PFKFB3: variants seen among roughly 807,000 people sequenced by gnomAD.
The protein encoded by PFKFB3 is 6-phosphofructo-2-kinase/fructose-2,6-biphosphatase 3, also known as 6-phosphofructo-2-kinase/fructose-2,6-bisphosphatase 3.
Under a neutral mutation model 68.0 loss-of-function variants are expected in PFKFB3, and 33 were observed. The ratio of observed to expected loss-of-function variants is 0.49; its 90% CI spans 0.37 to 0.65. The LOEUF (loss-of-function observed/expected upper bound fraction) is 0.65. Ranked by LOEUF, PFKFB3 falls within the 30% of genes least tolerant of loss-of-function variation. PFKFB3 has a pLI of 0.00. For synonymous variants in PFKFB3, 315 were observed against 288.2 expected, an observed-to-expected ratio of 1.09 and a Z score of -0.94; for missense variants, 586 against 712.2, an observed-to-expected ratio of 0.82 and a Z score of 2.02.
At chr10:6,205,030 C>A (rs1843592325) in intron 1 of PFKFB3, among the ~76,000 whole-genome samples, 1 of 152,240 alleles carries the variant, frequency 6.6e-6, no homozygotes, top group Admixed American at 6.5e-5. Context: ...CCCCATCAAC[C>A]TGCACGTCTC....
At chr10:6,240,050 C>A (rs1356782553), downstream of PFKFB3, among the ~76,000 whole-genome samples, 1 of 152,156 alleles carries the variant, frequency 6.6e-6, no homozygotes, top group East Asian at 1.9e-4. Flanking sequence ...TCCACATTCA[C>A]CCTTTTCTAA....
downstream of PFKFB3, among the ~76,000 whole-genome samples, chr10:6,258,275 G>A (rs956022100): frequency 6.6e-6 from 1 of 152,198 alleles, no homozygotes; most frequent in Non-Finnish European, 1.5e-5. Flanking sequence ...GTTACTATAA[G>A]AGAGTTTCAG....
At chr10:6,286,630 G>A in the PFKFB3 span, among the ~76,000 whole-genome samples, 5 of 152,140 alleles carry the variant, frequency 3.3e-5, no homozygotes, top group East Asian at 1.9e-4. Context: ...TGCCCAACTC[G>A]GCCTCCCAAA....
the PFKFB3 span, among the ~76,000 whole-genome samples, chr10:6,302,793 C>T: frequency 1.4e-5 from 2 of 145,004 alleles, no homozygotes; most frequent in Admixed American, 6.9e-5. Flanking sequence ...TACACATACA[C>T]ATATATATAT....
chr10:6,220,611 T>C lies in PFKFB3; in HGVS notation c.624-47T>C. On this transcript the variant is annotated intron_variant, in intron 7 of 14. Coordinates refer to ENST00000379775, the MANE Select transcript of PFKFB3 (RefSeq NM_004566.4). This position sits in a 1 kb window ranked among gnomAD's most constrained non-coding sequence, Gnocchi z 4.1. ...CGGAGACGGGCCAGGTGCATCCTGC[T>C]GTGGGTGGTGGCCTGAGCTGTGGTT... 1 of 1,559,962 alleles carries C rather than the reference T, an allele frequency of 6.4e-7. No homozygotes were observed. The highest frequency in any genetic ancestry group is 8.8e-7 in the Non-Finnish European group (1 of 1,133,106).
Position 6,220,961 on chromosome 10 carries a change from T to A in PFKFB3, c.831+96T>A. 1.7e-6 allele frequency: 2 copies of A among 1,192,212 alleles called. No individual in the cohort carries two copies. Among genetic ancestry groups the A allele is most frequent in the South Asian group, 1.2e-5 (1 of 81,888 alleles). 73.9% of individuals were successfully genotyped at this position (1,192,212 alleles called of 1,614,324 possible). A position where few individuals can be genotyped will look rare whatever the true frequency, so the allele number is the denominator to read the frequency against. ...AGCTGTGTGCTGCTGCTGCTGCTGC[T>A]GCTGCTGCTTGGTGTGCTTGCTGTG... On this transcript the variant is annotated intron_variant, in intron 8 of 14. Coordinates refer to ENST00000379775, the MANE Select transcript of PFKFB3 (RefSeq NM_004566.4). The surrounding 1 kb of genome is among the most constrained non-coding windows in gnomAD (Gnocchi z 4.1).
chr10:6,231,374 T>C, intron 14 of PFKFB3: 3 of 1,609,120 alleles, frequency 1.9e-6, no homozygotes, highest in Non-Finnish European at 2.5e-6. Context: ...TGGGTCTGTG[T>C]GCAGACTGGC....
Position 6,229,045 on chromosome 10 carries a change from C to G in PFKFB3, c.1515+2680C>G. The G allele has an allele frequency of 2.0e-6, 1 of 491,390 alleles. No homozygotes were observed. The highest frequency in any genetic ancestry group is 6.1e-5 in the East Asian group (1 of 16,344). 30.4% of individuals were successfully genotyped at this position (491,390 alleles called of 1,614,324 possible). On this transcript the variant is annotated intron_variant, in intron 14 of 14. Coordinates refer to ENST00000379775, the MANE Select transcript of PFKFB3 (RefSeq NM_004566.4). This position sits in a 1 kb window ranked among gnomAD's most constrained non-coding sequence, Gnocchi z 4.3. ...ATGAAGTGTCATCCCCTTGCCCCCC[C>G]AAAAACACACCCGCCCCTTTATTTC... is the stretch of plus-strand genomic sequence containing the variant.
At chr10:6,219,081 C>T (rs533035975) in intron 6 of PFKFB3, among the ~76,000 whole-genome samples, 13 of 152,366 alleles carry the variant, frequency 8.5e-5, no homozygotes, top group South Asian at 2.1e-4. Flanking sequence ...CAGTTAACCA[C>T]GGACTGGTCA....
chr10:6,151,988 C>A (rs1588381581), intron 1 of PFKFB3, among the ~76,000 whole-genome samples: 1 of 135,366 alleles, frequency 7.4e-6, no homozygotes, highest in Non-Finnish European at 1.7e-5. Context: ...AAAAAAAAAA[C>A]CTGATGCCCC....
chr10:6,189,109 G>A (rs865993987), intron 1 of PFKFB3, among the ~76,000 whole-genome samples: 24 of 152,122 alleles, frequency 1.6e-4, no homozygotes, highest in Admixed American at 4.6e-4. Context: ...AAAGTGCTGG[G>A]ATTACAGGCG....
In PFKFB3 at chr10:6,221,526, C is replaced by A; in HGVS notation, c.977C>A (p.Ala326Glu). The change falls in exon 9 of 15, where the codon GCG becomes GAG. Residue 326 changes from alanine (A) to glutamate (E), a missense_variant and splice_region_variant. Coordinates refer to ENST00000379775, the MANE Select transcript of PFKFB3 (RefSeq NM_004566.4). ...EQWKALNEID[A>E]GVCEELTYEE... ...TGGAAGGCGCTCAATGAGATCGACG[C>A]GGTGAGTCCTGGGAGGCGGGCAGGC... 1 of 1,613,138 alleles carries A rather than the reference C, an allele frequency of 6.2e-7. No individual in the cohort carries two copies. The highest frequency in any genetic ancestry group is 8.5e-7 in the Non-Finnish European group (1 of 1,179,940).
chr10:6,162,928 T>A (rs1013326838), intron 1 of PFKFB3, among the ~76,000 whole-genome samples: 3 of 152,190 alleles, frequency 2.0e-5, no homozygotes, highest in East Asian at 3.8e-4. Context: ...TGTCCGTGTT[T>A]CCAGGGCGTT....
chr10:6,265,183 C>T, the PFKFB3 span, among the ~76,000 whole-genome samples: 1 of 149,946 alleles, frequency 6.7e-6, no homozygotes, highest in African/African-American at 2.5e-5. Context: ...CGGGTTCAAG[C>T]GATTCTCCTG....
chr10:6,307,786 A>C, the PFKFB3 span, among the ~76,000 whole-genome samples: 2 of 152,176 alleles, frequency 1.3e-5, 1 homozygote, highest in African/African-American at 4.8e-5. Context: ...TGGGTCACCC[A>C]AAGTTCATGT....
intron 14 of PFKFB3, among the ~76,000 whole-genome samples, chr10:6,227,724 C>T (rs999051078): frequency 2.0e-5 from 3 of 152,156 alleles, no homozygotes; most frequent in African/African-American, 7.2e-5. Context: ...TTTAATTGCC[C>T]AGGTTCCTTC....
intron 1 of PFKFB3, among the ~76,000 whole-genome samples, chr10:6,170,970 A>G (rs1417685131): frequency 6.6e-6 from 1 of 152,206 alleles, no homozygotes; most frequent in Non-Finnish European, 1.5e-5. Flanking sequence ...GCCCTTCCTT[A>G]GGGCAAAAGG....
intron 1 of PFKFB3, among the ~76,000 whole-genome samples, chr10:6,210,632 T>TCTCCTG (rs1358504867): frequency 9.4e-3 from 40 of 4,274 alleles, no homozygotes; most frequent in Non-Finnish European, 0.014. Context: ...ATAGTCTTGA[T>TCTCCTG]AGTGTTTTTA....
chr10:6,148,238 G>A (rs1021191902), intron 1 of PFKFB3, among the ~76,000 whole-genome samples: 3 of 152,246 alleles, frequency 2.0e-5, no homozygotes, highest in Non-Finnish European at 2.9e-5. Context: ...AACTCCGCAT[G>A]GAGAGGGTGT....
Sources: allele counts gnomAD v4.1 joint callset (sites outside exome capture counted in the v4.1 genomes callset), GRCh38; gene constraint gnomAD v4.1.1; non-coding constraint Gnocchi (gnomAD v3.1); transcripts MANE v1.5; gene names NCBI Gene and HGNC (gene_info 2026-07-23, HGNC 2026-07-21).